PIP5K1B: variants seen among roughly 807,000 people sequenced by gnomAD.
PIP5K1B encodes the protein phosphatidylinositol-4-phosphate 5-kinase type 1 beta.
A neutral mutation model predicts 67.0 loss-of-function variants in PIP5K1B; 42 were observed. That is an observed-to-expected ratio of 0.63 (90% CI 0.49 to 0.81). PIP5K1B has a LOEUF of 0.81. Among genes scored for constraint, PIP5K1B ranks in the 30% least tolerant of loss-of-function variants. PIP5K1B has a pLI of 0.00. For synonymous variants in PIP5K1B, 214 were observed against 231.4 expected (o/e 0.92, Z 0.68); for missense variants, 459 against 646.3 (o/e 0.71, Z 3.14).
chr9:68,998,072 C>CTTTTTTTTTTTTTTTTTTTTT (rs542788542), intron 15 of PIP5K1B, among the ~76,000 whole-genome samples: 2 of 127,036 alleles, frequency 1.6e-5, no homozygotes, highest in African/African-American at 2.9e-5. Context: ...TTTTTCTTTT[C>CTTTTTTTTTTTTTTTTTTTTT]TTTTTTTTTT....
chr9:68,780,093 C>A lies in PIP5K1B; in HGVS notation c.-86+37436C>A. On this transcript the variant is annotated intron_variant, in intron 2 of 15. Transcript: ENST00000265382. ...TTCTCGGTGGCGGCGGCAGCGGCGG[C>A]GGCCCTGGACTGCGGGGAATGGGAA... is the stretch of plus-strand genomic sequence containing the variant. 5.9e-6 allele frequency: 8 copies of A among 1,365,434 alleles called. No individual in the cohort carries two copies. In the South Asian group the frequency reaches 1.0e-4, roughly 17 times the overall value. The allele number at this position is 1,365,434 out of a possible 1,614,324, so 84.6% of individuals were successfully genotyped here.
chr9:68,848,798 A>T (rs1027280589), intron 4 of PIP5K1B, among the ~76,000 whole-genome samples: 2 of 152,364 alleles, frequency 1.3e-5, no homozygotes, highest in African/African-American at 4.8e-5. Context: ...TAATTGCTGT[A>T]AAATAATTGA....
chr9:68,906,191 G>A (rs964557899), intron 8 of PIP5K1B, among the ~76,000 whole-genome samples: 1 of 152,008 alleles, frequency 6.6e-6, no homozygotes, highest in Non-Finnish European at 1.5e-5. Context: ...GCTAATTTTT[G>A]TATTTTTTGT....
At chr9:68,986,321 A>T (rs10156412) in intron 14 of PIP5K1B, among the ~76,000 whole-genome samples, 2,376 of 152,226 alleles carry the variant, frequency 0.016, 55 homozygotes, top group African/African-American at 0.051. Context: ...TATAGTTTTG[A>T]TTTGCATTTT....
chr9:68,837,072 C>A (rs1484202327), intron 4 of PIP5K1B, among the ~76,000 whole-genome samples: 2 of 152,220 alleles, frequency 1.3e-5, no homozygotes, highest in African/African-American at 4.8e-5. Flanking sequence ...GGCCGGAAAG[C>A]GTTCAGCACC....
At chr9:68,855,442 G>C (rs1386794319) in intron 4 of PIP5K1B, among the ~76,000 whole-genome samples, 3 of 152,278 alleles carry the variant, frequency 2.0e-5, no homozygotes, top group East Asian at 3.9e-4. Context: ...CTCCAGACTT[G>C]TATGTTAGCA....
chr9:68,803,076 A>AT, intron 2 of PIP5K1B, among the ~76,000 whole-genome samples: 1 of 152,238 alleles, frequency 6.6e-6, no homozygotes, highest in South Asian at 2.1e-4. Flanking sequence ...CATCAAGGAG[A>AT]TTGATTGGAA....
At chr9:68,801,417 C>T (rs918085883) in intron 2 of PIP5K1B, among the ~76,000 whole-genome samples, 3 of 152,080 alleles carry the variant, frequency 2.0e-5, no homozygotes, top group Admixed American at 2.0e-4. Flanking sequence ...TAGGTTTATG[C>T]TGTTCCTTGA....
chr9:68,873,281 C>CTTTTT (rs772335388), intron 5 of PIP5K1B, among the ~76,000 whole-genome samples: 270 of 90,656 alleles, frequency 3.0e-3, no homozygotes, highest in Non-Finnish European at 3.7e-3. Flanking sequence ...ACTTTCTGAT[C>CTTTTT]TTTTTTTTTT....
At chr9:68,976,958 G>C (rs1829659137) in intron 14 of PIP5K1B, among the ~76,000 whole-genome samples, 1 of 152,104 alleles carries the variant, frequency 6.6e-6, no homozygotes, top group South Asian at 2.1e-4. Flanking sequence ...TTGCCTTCAT[G>C]GTGCTTTTCT....
intron 1 of PIP5K1B, among the ~76,000 whole-genome samples, chr9:68,721,451 T>G (rs1437613826): frequency 2.0e-5 from 3 of 152,074 alleles, no homozygotes; most frequent in Non-Finnish European, 4.4e-5. Context: ...GCTTTTGGCT[T>G]GAGTGACTGG....
intron 2 of PIP5K1B, among the ~76,000 whole-genome samples, chr9:68,750,953 G>T (rs1237738143): frequency 6.6e-6 from 1 of 152,160 alleles, no homozygotes; most frequent in Non-Finnish European, 1.5e-5. Context: ...TTCAAAGGTG[G>T]TGAACCTTTT....
At chr9:68,818,818 T>G (rs529492338) in intron 3 of PIP5K1B, among the ~76,000 whole-genome samples, 12 of 152,296 alleles carry the variant, frequency 7.9e-5, no homozygotes, top group African/African-American at 2.9e-4. Context: ...ATTTTCCTTA[T>G]TTTTAAGTGT....
At position 68,925,795 on chromosome 9, in the gene PIP5K1B, A is replaced by ATTTTTTTTTTTTTTTTTTT. The variant is rs71353094; in HGVS notation, c.1201+2411_1201+2429dup. On this transcript the variant is annotated intron_variant, in intron 12 of 15. Coordinates refer to ENST00000265382, the MANE Select transcript of PIP5K1B (RefSeq NM_003558.4). ...ACATGAATACCAGCTTGTGGTTCCA[A>ATTTTTTTTTTTTTTTTTTT]TTTTTTTTTTTTTTTTTTTTGAGAC... 2.4e-3 allele frequency among the ~76,000 whole-genome samples: 173 copies of ATTTTTTTTTTTTTTTTTTT among 73,268 alleles called. 30 individuals are homozygous for ATTTTTTTTTTTTTTTTTTT. The highest frequency in any genetic ancestry group is 0.018 in the Middle Eastern group (1 of 56). The allele number at this position is 73,268 out of a possible 152,430, so 48.1% of individuals were successfully genotyped here. A position where few individuals can be genotyped will look rare whatever the true frequency, so the allele number is the denominator to read the frequency against.
chr9:68,783,532 C>G (rs529104046), intron 2 of PIP5K1B: 31 of 166,882 alleles, frequency 1.9e-4, no homozygotes, highest in Non-Finnish European at 2.6e-4. Context: ...CTGTTAACAA[C>G]TTGATATCTA....
intron 2 of PIP5K1B, among the ~76,000 whole-genome samples, chr9:68,814,065 C>T (rs144705956): frequency 3.9e-5 from 6 of 152,262 alleles, no homozygotes; most frequent in Non-Finnish European, 8.8e-5. Flanking sequence ...TGATGGGGAG[C>T]TGGAGGAAGA....
At position 68,726,810 on chromosome 9, in the gene PIP5K1B, G is replaced by A. The variant is rs116600937; in HGVS notation, c.-242-15691G>A. Reference sequence around the variant, plus strand: ...CTTTTTATGAACACATGGTATGATCGTTCTTTTGAATTTAGATATTCAAAT... The same window carrying A: ...CTTTTTATGAACACATGGTATGATCATTCTTTTGAATTTAGATATTCAAAT... On this transcript the variant is annotated intron_variant, in intron 1 of 15. Transcript: ENST00000265382. Among the ~76,000 whole-genome samples the A allele has an allele frequency of 7.2e-3, 1,092 of 152,222 alleles. 12 individuals carry two copies. The highest frequency in any genetic ancestry group is 0.025 in the African/African-American group (1,055 of 41,522).
Position 68,924,172 on chromosome 9 carries a change from C to T in PIP5K1B, c.1201+786C>T, listed in dbSNP as rs565919717. On this transcript the variant is annotated intron_variant, in intron 12 of 15. Transcript: ENST00000265382. ...ATCCTAGCACTTTGGGAGGCTGAGG[C>T]GGGCAGATCACTTGAAGTCAGGCGT... 3.2e-3 allele frequency among the ~76,000 whole-genome samples: 472 copies of T among 149,194 alleles called. 2 individuals carry two copies. The highest frequency in any genetic ancestry group is 0.014 in the Middle Eastern group (4 of 284).
chr9:68,899,464 T>TAA (rs11404163), intron 8 of PIP5K1B, among the ~76,000 whole-genome samples: 3 of 151,992 alleles, frequency 2.0e-5, no homozygotes, highest in Non-Finnish European at 2.9e-5. Context: ...TCTAATGATT[T>TAA]AAAAAAAGAG....
Sources: allele counts gnomAD v4.1 joint callset (sites outside exome capture counted in the v4.1 genomes callset), GRCh38; gene constraint gnomAD v4.1.1; transcripts MANE v1.5; gene names NCBI Gene and HGNC (gene_info 2026-07-23, HGNC 2026-07-21).